The following CNTN1 variants were observed in gnomAD, a reference collection of about 807,000 sequenced individuals.
CNTN1 encodes contactin-1.
Under a neutral mutation model 126.4 loss-of-function variants are expected in CNTN1, and 38 were observed. The observed-to-expected ratio is 0.30, with a 90% CI of 0.23 to 0.39. The LOEUF is 0.39. Among genes scored for constraint, CNTN1 ranks in the 10% least tolerant of loss-of-function variants. The pLI is 1.00. For missense variants in CNTN1, 1,009 were observed against 1,248.4 expected (o/e 0.81, Z 2.89); for synonymous variants, 413 against 422.6 (o/e 0.98, Z 0.28).
At chr12:40,925,779 T>C (rs940444923) in intron 6 of CNTN1, among the ~76,000 whole-genome samples, 10 of 142,016 alleles carry the variant, frequency 7.0e-5, no homozygotes, top group African/African-American at 2.3e-4. Flanking sequence ...GAAAAACCTT[T>C]TTCTTAAGGA....
At position 40,924,628 on chromosome 12, in the gene CNTN1, T is replaced by G; in HGVS notation, c.472T>G (p.Cys158Gly). The G allele has an allele frequency of 6.2e-7, 1 of 1,602,404 alleles. No homozygotes were observed. The highest frequency in any genetic ancestry group is 8.5e-7 in the Non-Finnish European group (1 of 1,169,768). Residue 158 changes from cysteine (C) to glycine (G), a missense_variant, in exon 6 of 24, where the codon TGT (cysteine) becomes GGT (glycine). Cys to Gly is a radical substitution (Grantham distance 159). Transcript: ENST00000551295. ...VKEGKGMVLL[C>G]DPPYHFPDDL... Reference sequence around the variant, plus strand: ...AGAAGGGAAAGGAATGGTGCTTCTCTGTGACCCCCCATACCATTTTCCAGG... The same window carrying G: ...AGAAGGGAAAGGAATGGTGCTTCTCGGTGACCCCCCATACCATTTTCCAGG...
intron 15 of CNTN1, among the ~76,000 whole-genome samples, chr12:40,979,470 C>T (rs2120360121): frequency 6.6e-6 from 1 of 152,052 alleles, no homozygotes; most frequent in African/African-American, 2.4e-5. Context: ...AAGATAAAGA[C>T]AAATGTCCTC....
intron 23 of CNTN1, among the ~76,000 whole-genome samples, chr12:41,054,614 T>G (rs543449349): frequency 1.3e-5 from 2 of 152,180 alleles, no homozygotes; most frequent in East Asian, 3.9e-4. Flanking sequence ...TTATTGATCT[T>G]CAGCAGTTAC....
chr12:40,786,893 G>A (rs947261575), intron 1 of CNTN1, among the ~76,000 whole-genome samples: 34 of 152,004 alleles, frequency 2.2e-4, no homozygotes, highest in African/African-American at 5.3e-4. Context: ...TTATTTAACC[G>A]GCCTCATTAT....
At chr12:40,712,894 C>A (rs751979247) in intron 1 of CNTN1, among the ~76,000 whole-genome samples, 37 of 151,980 alleles carry the variant, frequency 2.4e-4, no homozygotes, top group Non-Finnish European at 5.1e-4. Context: ...AGGGAGGATC[C>A]CTCATGAACG....
chr12:40,743,861 T>C (rs1215658393), intron 1 of CNTN1, among the ~76,000 whole-genome samples: 3 of 152,086 alleles, frequency 2.0e-5, no homozygotes, highest in Non-Finnish European at 2.9e-5. Flanking sequence ...AATCTTTGCC[T>C]GTGCCTATGT....
At chr12:40,969,842 A>G (rs988858131) in intron 15 of CNTN1, among the ~76,000 whole-genome samples, 3 of 152,154 alleles carry the variant, frequency 2.0e-5, no homozygotes, top group African/African-American at 7.2e-5. Flanking sequence ...AAAAAAATGC[A>G]GAAACTTCTG....
chr12:41,032,402 A>G (rs1949165445), intron 23 of CNTN1, among the ~76,000 whole-genome samples: 1 of 150,808 alleles, frequency 6.6e-6, no homozygotes, highest in African/African-American at 2.4e-5. Context: ...AAAAAAAGAA[A>G]GAAAGATGGC....
chr12:40,805,287 C>A (rs1009015107), intron 1 of CNTN1, among the ~76,000 whole-genome samples: 1 of 151,890 alleles, frequency 6.6e-6, no homozygotes, highest in African/African-American at 2.4e-5. Context: ...GACTTTTGCA[C>A]GACTGATATT....
chr12:41,050,814 A>G (rs1384441968), intron 23 of CNTN1, among the ~76,000 whole-genome samples: 1 of 152,186 alleles, frequency 6.6e-6, no homozygotes, highest in Non-Finnish European at 1.5e-5. Context: ...AGCATTTCTC[A>G]AACTTTCTTC....
chr12:40,816,150 T>C (rs1941248046), intron 1 of CNTN1, among the ~76,000 whole-genome samples: 1 of 152,224 alleles, frequency 6.6e-6, no homozygotes, highest in Non-Finnish European at 1.5e-5. Flanking sequence ...GGTATCAGGA[T>C]GATGCTGGCT....
chr12:40,864,998 A>G (rs1335933518), intron 1 of CNTN1, among the ~76,000 whole-genome samples: 1 of 152,104 alleles, frequency 6.6e-6, no homozygotes, highest in African/African-American at 2.4e-5. Context: ...TCTCACCAAA[A>G]TTTCTTCTTG....
intron 15 of CNTN1, among the ~76,000 whole-genome samples, chr12:40,977,505 T>G (rs1277052605): frequency 6.6e-6 from 1 of 152,082 alleles, no homozygotes; most frequent in Non-Finnish European, 1.5e-5. Flanking sequence ...CTGGGGGGCT[T>G]AGAATTTTAT....
rs760674561 is a variant in CNTN1, at chr12:40,959,185, C to T, written c.1755C>T (p.Ala585=). 3.7e-6 allele frequency: 6 copies of T among 1,612,746 alleles called. No homozygotes were observed. Among genetic ancestry groups the T allele is most frequent in the Non-Finnish European group, 4.2e-6 (5 of 1,179,170 alleles). Residue 585 remains alanine (A), a synonymous_variant, in exon 15 of 24, where the codon GCC becomes GCT. Transcript: ENST00000551295. ...ATGCTGGAAGATACACATGCACTGC[C>T]CAGACAATTGTGGACAATTCTTCAG... ...LKHAGRYTCT[A]QTIVDNSSAS...
intron 1 of CNTN1, among the ~76,000 whole-genome samples, chr12:40,792,949 G>T (rs1463994728): frequency 1.3e-5 from 2 of 152,062 alleles, no homozygotes; most frequent in Non-Finnish European, 2.9e-5. Context: ...GCTTCCCTTT[G>T]TGGGGGGAGA....
chr12:40,710,683 T>C (rs1428807106), intron 1 of CNTN1, among the ~76,000 whole-genome samples: 1 of 152,214 alleles, frequency 6.6e-6, no homozygotes, highest in Non-Finnish European at 1.5e-5. Context: ...GATATGAATA[T>C]AGTGACTGGT....
intron 22 of CNTN1, 123 bp from the exon 23 acceptor site, chr12:41,028,940 C>T (rs1949088212): frequency 1.0e-6 from 1 of 957,812 alleles, no homozygotes; most frequent in Non-Finnish European, 1.6e-6. Flanking sequence ...AGTTTTTCCT[C>T]TTGTTTTAAA....
intron 1 of CNTN1, among the ~76,000 whole-genome samples, chr12:40,862,015 A>G (rs747086265): frequency 1.3e-5 from 2 of 151,648 alleles, no homozygotes; most frequent in African/African-American, 2.4e-5. Context: ...GGAGTTTGAG[A>G]CCAGCCTGGG....
intron 15 of CNTN1, chr12:40,971,329 C>G (rs1339347607): frequency 1.1e-6 from 1 of 932,192 alleles, no homozygotes. Context: ...TTTATTCTTT[C>G]ACCTTACCCA....
Sources: gnomAD v4.1 joint callset for allele counts (sites outside exome capture counted in the v4.1 genomes callset) on GRCh38, gnomAD v4.1.1 for gene constraint, MANE v1.5 for transcripts, NCBI Gene and HGNC (gene_info 2026-07-23, HGNC 2026-07-21) for gene names.